KIAA0319L: variants seen among roughly 807,000 people sequenced by gnomAD.
The protein encoded by KIAA0319L is dyslexia-associated protein KIAA0319-like protein.
A neutral mutation model predicts 120.1 loss-of-function variants in KIAA0319L; 55 were observed. The ratio of observed to expected loss-of-function variants is 0.46; its 90% confidence interval spans 0.37 to 0.57. The LOEUF (loss-of-function observed/expected upper bound fraction) is 0.57. Among genes scored for constraint, KIAA0319L ranks in the 20% least tolerant of loss-of-function variants. The pLI, the probability that KIAA0319L is intolerant of heterozygous loss-of-function variation, is 0.00. For missense variants in KIAA0319L, 1,049 were observed against 1,255.3 expected (o/e 0.84, Z 2.48); for synonymous variants, 398 against 471.9 (o/e 0.84, Z 2.03).
intron 3 of KIAA0319L, among the ~76,000 whole-genome samples, chr1:35,499,513 T>C (rs763066781): frequency 2.0e-5 from 3 of 152,092 alleles, no homozygotes; most frequent in Admixed American, 6.6e-5. Context: ...CAGTGAGAAA[T>C]AAATTTCTGT....
intron 2 of KIAA0319L, among the ~76,000 whole-genome samples, chr1:35,522,127 A>C (rs1006098375): frequency 1.5e-4 from 23 of 152,196 alleles, no homozygotes; most frequent in South Asian, 2.1e-4. Flanking sequence ...ATAGCATGCC[A>C]CAATTTGTTG....
chr1:35,462,600 C>T, intron 8 of KIAA0319L, 21 bp downstream of exon 8: 1 of 1,566,976 alleles, frequency 6.4e-7, no homozygotes, highest in Non-Finnish European at 8.8e-7. Flanking sequence ...TCTAAAACAT[C>T]ATACTTAGAC....
intron 2 of KIAA0319L, among the ~76,000 whole-genome samples, chr1:35,550,378 A>G (rs1647155444): frequency 6.6e-6 from 1 of 152,266 alleles, no homozygotes; most frequent in Non-Finnish European, 1.5e-5. Context: ...TCAGGTAAAC[A>G]CTGAGTAAAC....
At chr1:35,508,659 TA>T (rs1477847297) in intron 2 of KIAA0319L, among the ~76,000 whole-genome samples, 2 of 151,450 alleles carry the variant, frequency 1.3e-5, no homozygotes, top group Non-Finnish European at 2.9e-5. Context: ...GATACAGAAA[TA>T]CCCCCTCATT....
intron 2 of KIAA0319L, among the ~76,000 whole-genome samples, chr1:35,512,323 C>A: frequency 2.6e-5 from 1 of 38,756 alleles, no homozygotes; most frequent in African/African-American, 1.2e-4. Flanking sequence ...AAAAGCCAAA[C>A]TTTGACCAAA....
chr1:35,487,026 T>C (rs1254774375), intron 3 of KIAA0319L, among the ~76,000 whole-genome samples: 2 of 152,220 alleles, frequency 1.3e-5, no homozygotes, highest in African/African-American at 4.8e-5. Flanking sequence ...TTCTATTGAC[T>C]GCCTTTTTTT....
chr1:35,466,781 T>A, intron 6 of KIAA0319L, 86 bp from the exon 7 acceptor site: 2 of 943,840 alleles, frequency 2.1e-6, no homozygotes, highest in Non-Finnish European at 3.3e-6. Flanking sequence ...TTTCCCAAGC[T>A]GAATCTTTCA....
rs1218630564 is a variant in KIAA0319L, at chr1:35,450,602, G to GT, written c.2063-94dup. ...TTATGGGGAAATTAAAACATCAAGA[G>GT]TACCTTAACTGGAGAACCTTTTTAA... On this transcript the variant is annotated intron_variant, in intron 13 of 20. Transcript: ENST00000325722. 5 of 1,257,356 alleles carry GT rather than the reference G, an allele frequency of 4.0e-6. No homozygotes were observed. In the African/African-American group the frequency reaches 7.5e-5, roughly 19 times the overall value. The allele number at this position is 1,257,356 out of a possible 1,614,324, so 77.9% of individuals were successfully genotyped here. A position where few individuals can be genotyped will look rare whatever the true frequency, so the allele number is the denominator to read the frequency against.
At chr1:35,497,926 T>A in intron 3 of KIAA0319L, among the ~76,000 whole-genome samples, 1 of 152,378 alleles carries the variant, frequency 6.6e-6, no homozygotes, top group South Asian at 2.1e-4. Flanking sequence ...GATTTTCATT[T>A]ATTAAAATAA....
chr1:35,502,222 C>T (rs1201061279), intron 3 of KIAA0319L, among the ~76,000 whole-genome samples: 1 of 150,702 alleles, frequency 6.6e-6, no homozygotes, highest in East Asian at 1.9e-4. Context: ...TTGCAGTGAG[C>T]CAAGATCGCA....
chr1:35,506,550 T>A lies in KIAA0319L; in HGVS notation c.666+62A>T. ...CCGCAAGCATCAGCTTCATTGCTCATATATACCAAATGTAAGAGCAGATTT... is the reference window on the plus strand; with the variant it reads ...CCGCAAGCATCAGCTTCATTGCTCAAATATACCAAATGTAAGAGCAGATTT... On this transcript the variant is annotated intron_variant, in intron 3 of 20. Coordinates refer to ENST00000325722, the MANE Select transcript of KIAA0319L (RefSeq NM_024874.5). This position sits in a 1 kb window ranked among gnomAD's most constrained non-coding sequence, Gnocchi z 4.0. 1 of 1,492,490 alleles carries A rather than the reference T, an allele frequency of 6.7e-7. No homozygotes were observed. Among genetic ancestry groups the A allele is most frequent in the Admixed American group, 1.9e-5 (1 of 53,680 alleles). The allele number at this position is 1,492,490 out of a possible 1,614,324, so 92.5% of individuals were successfully genotyped here. A position where few individuals can be genotyped will look rare whatever the true frequency, so the allele number is the denominator to read the frequency against.
chr1:35,483,185 T>C (rs187029882), intron 3 of KIAA0319L, among the ~76,000 whole-genome samples: 13 of 152,360 alleles, frequency 8.5e-5, no homozygotes, highest in African/African-American at 2.6e-4. Flanking sequence ...TTTCTCAGTC[T>C]GTATCTTCCT....
At chr1:35,556,432 T>C (rs192357751) in intron 1 of KIAA0319L, 6 of 152,362 alleles carry the variant, frequency 3.9e-5, no homozygotes, top group Non-Finnish European at 4.4e-5. Context: ...TTTTAAAAAG[T>C]CTCAGATATT....
intron 12 of KIAA0319L, among the ~76,000 whole-genome samples, chr1:35,452,792 AAAGTTCT>A (rs1312891052): frequency 2.0e-4 from 30 of 152,318 alleles, no homozygotes; most frequent in African/African-American, 7.2e-4. Context: ...TAGTCAAATT[AAAGTTCT>A]TTTCCACCCA....
Position 35,454,378 on chromosome 1 carries a change from A to G in KIAA0319L, c.1764T>C (p.Thr588=), listed in dbSNP as rs10796920. Residue 588 remains threonine (T), a synonymous_variant, in exon 11 of 21, where the codon ACT becomes ACC. Transcript: ENST00000325722. The part of the protein sequence containing the change: ...TIGQQATAQV[T]VIVQPENNKP... ...GGAGCTTACCAGGTTGCACAATAAC[A>G]GTCACTTGAGCAGTGGCCTGCTGTC... The G allele has an allele frequency of 0.015, 24,557 of 1,613,980 alleles. 1,625 individuals carry two copies. The East Asian group carries it at 0.23, about 15-fold the overall frequency.
intron 7 of KIAA0319L, among the ~76,000 whole-genome samples, chr1:35,466,321 T>C (rs981953035): frequency 1.3e-5 from 2 of 152,090 alleles, no homozygotes; most frequent in African/African-American, 4.8e-5. Flanking sequence ...TTACAACTCA[T>C]GGTCCCTCTC....
At chr1:35,454,229 G>T in intron 11 of KIAA0319L, 133 bp downstream of exon 11, 1 of 835,906 alleles carries the variant, frequency 1.2e-6, no homozygotes, top group Non-Finnish European at 1.9e-6. Context: ...AGGAACAATA[G>T]AAGTCACCAG....
intron 3 of KIAA0319L, among the ~76,000 whole-genome samples, chr1:35,485,238 T>C (rs1223528572): frequency 6.6e-6 from 1 of 152,172 alleles, no homozygotes; most frequent in Non-Finnish European, 1.5e-5. Flanking sequence ...AACTTGCCTA[T>C]ACTTAAACTG....
chr1:35,521,547 T>C (rs940474449), intron 2 of KIAA0319L, among the ~76,000 whole-genome samples: 3 of 151,440 alleles, frequency 2.0e-5, no homozygotes, highest in Non-Finnish European at 4.4e-5. Flanking sequence ...GGAGGGAGAA[T>C]GGCGTGAACC....
Sources: allele counts gnomAD v4.1 joint callset (sites outside exome capture counted in the v4.1 genomes callset), GRCh38; gene constraint gnomAD v4.1.1; non-coding constraint Gnocchi (gnomAD v3.1); transcripts MANE v1.5; gene names NCBI Gene and HGNC (gene_info 2026-07-23, HGNC 2026-07-21).